THADA: variants seen among roughly 807,000 people sequenced by gnomAD.
The protein encoded by THADA is tRNA (32-2'-O)-methyltransferase regulator THADA.
A neutral mutation model predicts 219.8 loss-of-function variants in THADA; 213 were observed. The observed-to-expected ratio is 0.97, with a 90% CI of 0.87 to 1.09. The LOEUF is 1.09. THADA is among the 50% of genes least tolerant of loss of function. THADA has a pLI of 0.00. For synonymous variants in THADA, 1,018 were observed against 828.9 expected (o/e 1.23, Z -3.92); for missense variants, 2,956 against 2,311.3 (o/e 1.28, Z -5.72).
intron 36 of THADA, among the ~76,000 whole-genome samples, chr2:43,240,346 A>G (rs1668491999): frequency 6.6e-6 from 1 of 152,168 alleles, no homozygotes; most frequent in African/African-American, 2.4e-5. Context: ...AGGTTTCATG[A>G]GGCCGTTTCC....
intron 8 of THADA, 76 bp from the exon 9 acceptor site, chr2:43,578,683 C>A (rs1005948889): frequency 9.5e-7 from 1 of 1,050,240 alleles, no homozygotes; most frequent in Non-Finnish European, 1.4e-6. Context: ...AGATGCTGAG[C>A]AGCCAGATAG....
intron 36 of THADA, among the ~76,000 whole-genome samples, chr2:43,269,676 G>A (rs1460132231): frequency 1.3e-5 from 2 of 152,202 alleles, no homozygotes; most frequent in African/African-American, 4.8e-5. Context: ...TCTTTATTTT[G>A]AAGGAATAAA....
intron 35 of THADA, among the ~76,000 whole-genome samples, chr2:43,285,456 CT>C (rs1429584284): frequency 6.6e-6 from 1 of 152,162 alleles, no homozygotes; most frequent in Non-Finnish European, 1.5e-5. Flanking sequence ...CCTTTACCTT[CT>C]GCCATAATTG....
intron 35 of THADA, among the ~76,000 whole-genome samples, chr2:43,285,604 C>G (rs1205636933): frequency 6.6e-6 from 1 of 150,584 alleles, no homozygotes; most frequent in African/African-American, 2.4e-5. Context: ...TTGCTCCTTG[C>G]CCAGACTGGA....
chr2:43,558,302 C>T (rs1435219490), intron 16 of THADA, among the ~76,000 whole-genome samples: 6 of 152,096 alleles, frequency 3.9e-5, no homozygotes, highest in African/African-American at 1.4e-4. Context: ...GTACACTTAA[C>T]TGTATTAAAA....
intron 3 of THADA, 24 bp from the exon 4 acceptor site, chr2:43,590,978 AT>A: frequency 6.3e-7 from 1 of 1,597,458 alleles, no homozygotes; most frequent in Non-Finnish European, 8.5e-7. Context: ...CATTGAAGTA[AT>A]TTTTATAATA....
Position 43,290,560 on chromosome 2 carries a change from G to A in THADA, c.5010+1136C>T, listed in dbSNP as rs141867031. Among the ~76,000 whole-genome samples, 59 of 152,124 alleles carry A rather than the reference G, an allele frequency of 3.9e-4. 1 individual carries two copies. Among genetic ancestry groups the A allele is most frequent in the Non-Finnish European group, 5.6e-4 (38 of 68,006 alleles). ...CTCACTCCCTCCTCTGGGTTCCCAC[G>A]GCCCTGGCACACCTTGTTACTAGAG... On this transcript the variant is annotated intron_variant, in intron 34 of 37. Coordinates refer to ENST00000405975, the MANE Select transcript of THADA (RefSeq NM_022065.5).
chr2:43,590,009 T>A (rs1205836476), intron 4 of THADA, among the ~76,000 whole-genome samples: 1 of 152,096 alleles, frequency 6.6e-6, no homozygotes, highest in Non-Finnish European at 1.5e-5. Flanking sequence ...TACAGATATA[T>A]ATAAAAAAAG....
At chr2:43,590,419 T>C (rs1256833842) in intron 4 of THADA, among the ~76,000 whole-genome samples, 2 of 152,120 alleles carry the variant, frequency 1.3e-5, no homozygotes, top group South Asian at 4.1e-4. Flanking sequence ...GGCTCACACC[T>C]GTAATCCCAT....
At chr2:43,560,893 T>C (rs2103940064) in intron 15 of THADA, among the ~76,000 whole-genome samples, 1 of 151,948 alleles carries the variant, frequency 6.6e-6, no homozygotes, top group East Asian at 1.9e-4. Context: ...GGCACACGAC[T>C]GTAATCCCAG....
At chr2:43,262,850 C>T (rs1030156770) in intron 36 of THADA, among the ~76,000 whole-genome samples, 1 of 152,196 alleles carries the variant, frequency 6.6e-6, no homozygotes, top group Non-Finnish European at 1.5e-5. Context: ...CCCACAGAAA[C>T]AGAATCTCAT....
At chr2:43,538,134 G>T (rs576143534) in intron 21 of THADA, among the ~76,000 whole-genome samples, 54 of 152,236 alleles carry the variant, frequency 3.5e-4, no homozygotes, top group African/African-American at 1.2e-3. Flanking sequence ...TAGTACTCCA[G>T]GTGGAGGAAG....
intron 26 of THADA, among the ~76,000 whole-genome samples, chr2:43,439,913 GA>G (rs1190518533): frequency 6.6e-6 from 1 of 151,800 alleles, no homozygotes; most frequent in Non-Finnish European, 1.5e-5. Flanking sequence ...TCATAAAATC[GA>G]AAGTCTTTTA....
chr2:43,272,195 A>G (rs1054846172), intron 36 of THADA, among the ~76,000 whole-genome samples: 1 of 152,166 alleles, frequency 6.6e-6, no homozygotes, highest in Non-Finnish European at 1.5e-5. Context: ...AACCCCAAAG[A>G]TGGCTGGAGT....
intron 28 of THADA, among the ~76,000 whole-genome samples, chr2:43,402,769 T>G (rs975271825): frequency 6.6e-6 from 1 of 152,200 alleles, no homozygotes; most frequent in Non-Finnish European, 1.5e-5. Flanking sequence ...CCATGAGAAG[T>G]AAACACAAGC....
At chr2:43,544,884 T>C (rs1298527336) in intron 20 of THADA, among the ~76,000 whole-genome samples, 9 of 150,066 alleles carry the variant, frequency 6.0e-5, no homozygotes, top group Middle Eastern at 3.2e-3. Flanking sequence ...TCCTGCCTAA[T>C]TGCCCTGGCC....
intron 36 of THADA, among the ~76,000 whole-genome samples, chr2:43,278,473 G>A (rs1672978076): frequency 6.6e-6 from 1 of 152,132 alleles, no homozygotes; most frequent in African/African-American, 2.4e-5. Context: ...GTCCTTCTAA[G>A]CAAATGCTGC....
chr2:43,261,978 G>C (rs577846041), intron 36 of THADA, among the ~76,000 whole-genome samples: 68 of 151,946 alleles, frequency 4.5e-4, no homozygotes, highest in African/African-American at 1.6e-3. Context: ...TGCCACGTTA[G>C]CAAGGCTGGT....
chr2:43,553,786 A>G (rs969191549), intron 17 of THADA, among the ~76,000 whole-genome samples: 6 of 152,246 alleles, frequency 3.9e-5, no homozygotes, highest in Admixed American at 2.0e-4. Context: ...GCTTGTTATC[A>G]TCTCTTTTTT....
Sources: gnomAD v4.1 joint callset for allele counts (sites outside exome capture counted in the v4.1 genomes callset) on GRCh38, gnomAD v4.1.1 for gene constraint, MANE v1.5 for transcripts, NCBI Gene and HGNC (gene_info 2026-07-23, HGNC 2026-07-21) for gene names.